Variants in MLLT3 observed in about 807,000 individuals in gnomAD.
MLLT3 encodes the protein protein AF-9.
In MLLT3, 4 loss-of-function variants were observed where a neutral mutation model predicts 53.2. The observed-to-expected ratio is 0.08, with a 90% CI of 0.04 to 0.17. MLLT3 has a LOEUF of 0.17. Among genes scored for constraint, MLLT3 ranks in the 10% least tolerant of loss-of-function variants. The pLI is 1.00. For synonymous variants in MLLT3, 283 were observed against 230.6 expected (o/e 1.23, Z -2.06); for missense variants, 569 against 684.0 (o/e 0.83, Z 1.87).
intron 2 of MLLT3, among the ~76,000 whole-genome samples, chr9:20,619,734 C>T (rs998708774): frequency 5.3e-5 from 8 of 152,172 alleles, no homozygotes; most frequent in African/African-American, 1.9e-4. Flanking sequence ...TTCTCAAACC[C>T]TCTTTAAATT....
chr9:20,606,226 T>C (rs752006565), intron 2 of MLLT3, among the ~76,000 whole-genome samples: 16 of 152,026 alleles, frequency 1.1e-4, no homozygotes, highest in Non-Finnish European at 1.9e-4. Context: ...AGACCACCCA[T>C]TGAAAATAGA....
chr9:20,495,941 G>T (rs1001795245), intron 2 of MLLT3, among the ~76,000 whole-genome samples: 1 of 152,076 alleles, frequency 6.6e-6, no homozygotes, highest in African/African-American at 2.4e-5. Context: ...TTTCAAGAAG[G>T]ATTTTCATAA....
intron 2 of MLLT3, among the ~76,000 whole-genome samples, chr9:20,493,528 A>C (rs893554998): frequency 6.6e-6 from 1 of 152,064 alleles, no homozygotes; most frequent in Non-Finnish European, 1.5e-5. Context: ...GCTATCTTAA[A>C]GAAAAAATCT....
chr9:20,466,273 T>G (rs1252423907), intron 2 of MLLT3, among the ~76,000 whole-genome samples: 3 of 152,214 alleles, frequency 2.0e-5, no homozygotes, highest in Admixed American at 2.0e-4. Flanking sequence ...AGTGTCATAT[T>G]GGCATTCAAA....
chr9:20,620,187 G>T lies in MLLT3; in HGVS notation c.193+467C>A, dbSNP rs1171756771. On this transcript the variant is annotated intron_variant, in intron 2 of 10. Transcript: ENST00000380338. This position sits in a 1 kb window ranked among gnomAD's most constrained non-coding sequence, Gnocchi z 6.1. The stretch of plus-strand genomic sequence containing the variant: ...TAAAGAGAACCGACTTGCCAAGACC[G>T]AACAATAACTACATCCAATACATTC... Among the ~76,000 whole-genome samples, 1 of 151,666 alleles carries T rather than the reference G, an allele frequency of 6.6e-6. No homozygotes were observed. Among genetic ancestry groups the T allele is most frequent in the Admixed American group, 6.6e-5 (1 of 15,214 alleles).
Position 20,383,397 on chromosome 9 carries a change from T to C in MLLT3, c.1126-17653A>G, listed in dbSNP as rs1249969371. Among the ~76,000 whole-genome samples the C allele has an allele frequency of 2.6e-5, 4 of 152,034 alleles. No individual in the cohort carries two copies. The East Asian group carries it at 7.7e-4, about 29-fold the overall frequency. Reference sequence around the variant, plus strand: ...TGAAAAGAATGAAACACTATAATAATTTGGTGCTCAGGTTCTGAAAACATC... The same window carrying C: ...TGAAAAGAATGAAACACTATAATAACTTGGTGCTCAGGTTCTGAAAACATC... On this transcript the variant is annotated intron_variant, in intron 5 of 10. Coordinates refer to ENST00000380338, the MANE Select transcript of MLLT3 (RefSeq NM_004529.4).
chr9:20,402,456 G>C (rs1822478810), intron 5 of MLLT3, among the ~76,000 whole-genome samples: 1 of 152,194 alleles, frequency 6.6e-6, no homozygotes, highest in East Asian at 1.9e-4. Flanking sequence ...GAACAATCCA[G>C]GACAGAGTCA....
intron 2 of MLLT3, among the ~76,000 whole-genome samples, chr9:20,545,643 T>C (rs1192040516): frequency 6.6e-6 from 1 of 152,170 alleles, no homozygotes; most frequent in East Asian, 1.9e-4. Flanking sequence ...TTAACAACCT[T>C]GTATTTTAGT....
chr9:20,344,349 C>A lies in MLLT3; in HGVS notation c.*2094G>T, dbSNP rs1658098943. On this transcript the variant is annotated 3_prime_UTR_variant, in exon 11 of 11. Transcript: ENST00000380338. ...TATATTAAATCACATAAACTTCTGG[C>A]TTGATCAGAATATGTGTTAGCAGTT... 4.9e-6 allele frequency: 1 copy of A among 202,316 alleles called. No individual in the cohort carries two copies. The highest frequency in any genetic ancestry group is 2.3e-5 in the African/African-American group (1 of 43,678). The allele number at this position is 202,316 out of a possible 1,614,324, so 12.5% of individuals were successfully genotyped here.
rs1346232107 is a variant in MLLT3 at position 20,345,691 on chromosome 9, G to A, written c.*752C>T. The A allele has an allele frequency of 4.6e-6, 1 of 216,780 alleles. No homozygotes were observed. Among genetic ancestry groups the A allele is most frequent in the Admixed American group, 5.8e-5 (1 of 17,188 alleles). 13.4% of individuals were successfully genotyped at this position (216,780 alleles called of 1,614,324 possible). A position where few individuals can be genotyped will look rare whatever the true frequency, so the allele number is the denominator to read the frequency against. ...GACAGCAATTCATATGATCCTATTTGGTGCATTTTCTACCATGGTCCAAGA... is the reference window on the plus strand; with the variant it reads ...GACAGCAATTCATATGATCCTATTTAGTGCATTTTCTACCATGGTCCAAGA... On this transcript the variant is annotated 3_prime_UTR_variant, in exon 11 of 11. Coordinates refer to ENST00000380338, the MANE Select transcript of MLLT3 (RefSeq NM_004529.4).
chr9:20,399,079 T>C (rs910649780), intron 5 of MLLT3, among the ~76,000 whole-genome samples: 1 of 152,108 alleles, frequency 6.6e-6, no homozygotes, highest in African/African-American at 2.4e-5. Context: ...TAGGATTTTG[T>C]TATATAAACT....
chr9:20,448,014 C>A lies in MLLT3; in HGVS notation c.420+109G>T, dbSNP rs117606758. ...TTAAGGTACATCATTTCTTTTACCT[C>A]TCCCAAAACCTTATACTTTTTAACA... On this transcript the variant is annotated intron_variant, in intron 4 of 10. Coordinates refer to ENST00000380338, the MANE Select transcript of MLLT3 (RefSeq NM_004529.4). The surrounding 1 kb of genome is among the most constrained non-coding windows in gnomAD (Gnocchi z 4.0). 1.1e-5 allele frequency: 13 copies of A among 1,235,112 alleles called. No individual in the cohort carries two copies. In the East Asian group the frequency reaches 3.0e-4, roughly 29 times the overall value. The allele number at this position is 1,235,112 out of a possible 1,614,324, so 76.5% of individuals were successfully genotyped here.
intron 8 of MLLT3, among the ~76,000 whole-genome samples, chr9:20,355,095 TAA>T (rs531598773): frequency 4.7e-5 from 3 of 64,158 alleles, no homozygotes; most frequent in African/African-American, 1.1e-4. Flanking sequence ...AAAGTAGAAC[TAA>T]AAAAAAAAAA....
chr9:20,503,355 C>CAATGG (rs1397832522), intron 2 of MLLT3, among the ~76,000 whole-genome samples: 1 of 152,086 alleles, frequency 6.6e-6, no homozygotes, highest in Admixed American at 6.5e-5. Context: ...ACACACAGAT[C>CAATGG]AATGGAATGG....
intron 2 of MLLT3, among the ~76,000 whole-genome samples, chr9:20,462,581 C>G (rs1318427723): frequency 6.6e-6 from 1 of 152,080 alleles, no homozygotes; most frequent in Admixed American, 6.6e-5. Flanking sequence ...CAAGGCCTGA[C>G]TCAATAGCAC....
chr9:20,585,064 T>A (rs1386640369), intron 2 of MLLT3, among the ~76,000 whole-genome samples: 1 of 152,216 alleles, frequency 6.6e-6, no homozygotes, highest in Admixed American at 6.5e-5. Context: ...CATTAATCTG[T>A]TCAGGTTGCC....
chr9:20,362,818 G>C (rs1821359976), intron 7 of MLLT3: 1 of 147,732 alleles, frequency 6.8e-6, no homozygotes, highest in Non-Finnish European at 1.5e-5. Flanking sequence ...AATTCAAGTA[G>C]ATTCGTATTT....
Position 20,344,415 on chromosome 9 carries a change from A to T in MLLT3, c.*2028T>A. The T allele has an allele frequency of 4.7e-6, 1 of 214,100 alleles. No individual in the cohort carries two copies. Among genetic ancestry groups the T allele is most frequent in the Non-Finnish European group, 9.5e-6 (1 of 105,742 alleles). The allele number at this position is 214,100 out of a possible 1,614,324, so 13.3% of individuals were successfully genotyped here. On this transcript the variant is annotated 3_prime_UTR_variant, in exon 11 of 11. Transcript: ENST00000380338. ...TTTTAAAAATTTGCAACATTTCCAT[A>T]TAAACATTACCCTCCCCTTCCAGCT...
At chr9:20,478,552 G>A (rs1332250731) in intron 2 of MLLT3, among the ~76,000 whole-genome samples, 1 of 152,096 alleles carries the variant, frequency 6.6e-6, no homozygotes, top group Non-Finnish European at 1.5e-5. Flanking sequence ...GTCTTATAAA[G>A]CCCTAAAAGC....
Sources: allele counts gnomAD v4.1 joint callset (sites outside exome capture counted in the v4.1 genomes callset), GRCh38; gene constraint gnomAD v4.1.1; non-coding constraint Gnocchi (gnomAD v3.1); transcripts MANE v1.5; gene names NCBI Gene and HGNC (gene_info 2026-07-23, HGNC 2026-07-21).